GRID2: variants seen among roughly 807,000 people sequenced by gnomAD.
The protein encoded by GRID2 is glutamate ionotropic receptor delta type subunit 2.
GRID2 carries 33 observed loss-of-function variants against 114.8 expected under a neutral mutation model. The observed-to-expected ratio is 0.29, with a 90% CI of 0.22 to 0.38. The LOEUF (loss-of-function observed/expected upper bound fraction) is 0.38, where lower values mean the gene tolerates loss of function less well. GRID2 is among the 10% of genes least tolerant of loss of function. GRID2 has a pLI of 1.00. For missense variants in GRID2, 1,184 were observed against 1,257.7 expected (o/e 0.94, Z 0.89); for synonymous variants, 505 against 449.9 (o/e 1.12, Z -1.55).
At chr4:92,958,412 A>G (rs894819266) in intron 2 of GRID2, among the ~76,000 whole-genome samples, 1 of 152,144 alleles carries the variant, frequency 6.6e-6, no homozygotes, top group South Asian at 2.1e-4. Context: ...CTTTTTCTAC[A>G]TCTATTGATA....
chr4:92,804,743 T>G (rs1013196226), intron 2 of GRID2, among the ~76,000 whole-genome samples: 7 of 152,044 alleles, frequency 4.6e-5, no homozygotes, highest in Non-Finnish European at 8.8e-5. Context: ...TTTGTGAGTT[T>G]GCAAATGCAA....
At chr4:93,672,942 C>T (rs1724555790) in intron 14 of GRID2, among the ~76,000 whole-genome samples, 1 of 152,132 alleles carries the variant, frequency 6.6e-6, no homozygotes, top group Admixed American at 6.5e-5. Context: ...AAGCTTTATA[C>T]TCAAAATCAT....
intron 2 of GRID2, among the ~76,000 whole-genome samples, chr4:92,985,285 G>T (rs1332811077): frequency 6.7e-6 from 1 of 149,840 alleles, no homozygotes; most frequent in Non-Finnish European, 1.5e-5. Context: ...CTGCAGTGGC[G>T]CGATCTCAGC....
intron 1 of GRID2, among the ~76,000 whole-genome samples, chr4:92,518,801 C>G (rs182399447): frequency 6.6e-6 from 1 of 151,828 alleles, no homozygotes; most frequent in African/African-American, 2.4e-5. Context: ...TACATGGAAT[C>G]TCTTCAATTA....
intron 11 of GRID2, 68 bp from the exon 12 acceptor site, chr4:93,490,571 A>G (rs542363163): frequency 7.4e-6 from 9 of 1,220,056 alleles, no homozygotes; most frequent in East Asian, 2.4e-5. Context: ...GGTGTTGAAT[A>G]TAGATGACTT....
chr4:92,863,820 G>A (rs1744687853), intron 2 of GRID2, among the ~76,000 whole-genome samples: 1 of 152,004 alleles, frequency 6.6e-6, no homozygotes, highest in Non-Finnish European at 1.5e-5. Flanking sequence ...TAGTTATGGT[G>A]CCCTGAGATC....
chr4:93,157,404 A>C, intron 4 of GRID2, among the ~76,000 whole-genome samples: 1 of 151,726 alleles, frequency 6.6e-6, no homozygotes. Flanking sequence ...CTAAGTTTTA[A>C]AATATTATTA....
chr4:93,625,766 T>A lies in GRID2; in HGVS notation c.2194-503T>A, dbSNP rs189874597. Reference sequence around the variant, plus strand: ...CCAGCTCTACTAAAAATACAAAAAATTAGCGGGGCGCGGTGGTGGGCGCCT... The same window carrying A: ...CCAGCTCTACTAAAAATACAAAAAAATAGCGGGGCGCGGTGGTGGGCGCCT... On this transcript the variant is annotated intron_variant, in intron 13 of 15. Coordinates refer to ENST00000282020, the MANE Select transcript of GRID2 (RefSeq NM_001510.4). Among the ~76,000 whole-genome samples the A allele has an allele frequency of 6.3e-3, 964 of 152,080 alleles. 14 individuals carry two copies. The highest frequency in any genetic ancestry group is 0.021 in the African/African-American group (892 of 41,492).
chr4:93,524,733 T>A (rs549149144), intron 13 of GRID2, among the ~76,000 whole-genome samples: 81 of 145,890 alleles, frequency 5.6e-4, no homozygotes, highest in Non-Finnish European at 7.5e-5. Flanking sequence ...CTACAAATAC[T>A]ACAAACAAAC....
intron 14 of GRID2, among the ~76,000 whole-genome samples, chr4:93,719,917 C>G (rs1421126680): frequency 6.6e-6 from 1 of 152,138 alleles, no homozygotes; most frequent in Non-Finnish European, 1.5e-5. Flanking sequence ...CTCCTCCATT[C>G]AAAATTGCAG....
At chr4:92,631,321 C>T (rs1168249886) in intron 2 of GRID2, among the ~76,000 whole-genome samples, 1 of 152,028 alleles carries the variant, frequency 6.6e-6, no homozygotes, top group Non-Finnish European at 1.5e-5. Flanking sequence ...AGGCCCAGGG[C>T]TTAGTGCTGG....
intron 14 of GRID2, among the ~76,000 whole-genome samples, chr4:93,760,262 T>A (rs1733095171): frequency 6.6e-6 from 1 of 152,224 alleles, no homozygotes; most frequent in Non-Finnish European, 1.5e-5. Flanking sequence ...TTTTTGCTAT[T>A]CTTTTGGAAA....
rs576904015 is a variant in GRID2, at chr4:93,027,396, T to C, written c.245-57599T>C. 3.3e-5 allele frequency among the ~76,000 whole-genome samples: 5 copies of C among 152,122 alleles called. No individual in the cohort carries two copies. The South Asian group carries it at 1.0e-3, about 32-fold the overall frequency. ...GGACAGTACAATTTCTTAGCATGCC[T>C]AGAAAACAAAAGATTAAAGCAAGTA... On this transcript the variant is annotated intron_variant, in intron 2 of 15. Coordinates refer to ENST00000282020, the MANE Select transcript of GRID2 (RefSeq NM_001510.4).
chr4:93,030,908 C>T (rs1009163970), intron 2 of GRID2, among the ~76,000 whole-genome samples: 1 of 151,558 alleles, frequency 6.6e-6, no homozygotes, highest in Non-Finnish European at 1.5e-5. Flanking sequence ...AAACAAATCT[C>T]AAAGCTATTT....
chr4:93,034,604 A>G (rs1182453552), intron 2 of GRID2, among the ~76,000 whole-genome samples: 1 of 152,120 alleles, frequency 6.6e-6, no homozygotes, highest in Non-Finnish European at 1.5e-5. Flanking sequence ...ACTCACCAAC[A>G]TGTCCCAACA....
chr4:93,445,826 A>G (rs1722042912), intron 10 of GRID2, among the ~76,000 whole-genome samples: 1 of 152,010 alleles, frequency 6.6e-6, no homozygotes, highest in East Asian at 1.9e-4. Flanking sequence ...TGAAATATCT[A>G]TTTACTTAAG....
intron 9 of GRID2, among the ~76,000 whole-genome samples, chr4:93,397,827 T>C (rs373236206): frequency 6.6e-6 from 1 of 151,940 alleles, no homozygotes; most frequent in African/African-American, 2.4e-5. Flanking sequence ...TAATACCTAA[T>C]ACAGTGTAAA....
At chr4:93,582,855 A>G (rs776028365) in intron 13 of GRID2, among the ~76,000 whole-genome samples, 4 of 152,194 alleles carry the variant, frequency 2.6e-5, no homozygotes, top group Non-Finnish European at 5.9e-5. Flanking sequence ...ACATTGTATT[A>G]ATTTCCTAGG....
intron 14 of GRID2, among the ~76,000 whole-genome samples, chr4:93,692,897 G>A (rs533780431): frequency 6.6e-6 from 1 of 152,138 alleles, no homozygotes. Context: ...TTATAAGTTG[G>A]AAAGCTCTCA....
Sources: gnomAD v4.1 joint callset for allele counts (sites outside exome capture counted in the v4.1 genomes callset) on GRCh38, gnomAD v4.1.1 for gene constraint, MANE v1.5 for transcripts, NCBI Gene and HGNC (gene_info 2026-07-23, HGNC 2026-07-21) for gene names.